The following TPST2 variants were observed in gnomAD, a reference collection of about 807,000 sequenced individuals.
TPST2 encodes tyrosylprotein sulfotransferase 2, also known as protein-tyrosine sulfotransferase 2.
Under a neutral mutation model 27.8 loss-of-function variants are expected in TPST2, and 16 were observed. That is an observed-to-expected ratio of 0.58 (90% CI 0.39 to 0.88). The LOEUF (loss-of-function observed/expected upper bound fraction) is 0.88, where lower values mean the gene tolerates loss of function less well. Among genes scored for constraint, TPST2 ranks in the 40% least tolerant of loss-of-function variants. The pLI is 0.00. For synonymous variants in TPST2, 229 were observed against 231.7 expected (o/e 0.99, Z 0.10); for missense variants, 464 against 543.1 (o/e 0.85, Z 1.45).
rs546925830 is a variant in TPST2, at chr22:26,574,691, C to T, written c.-161+15362G>A. Among the ~76,000 whole-genome samples the T allele has an allele frequency of 4.6e-5, 7 of 152,206 alleles. 1 individual carries two copies. The highest frequency in any genetic ancestry group is 2.6e-4 in the Admixed American group (4 of 15,276). On this transcript the variant is annotated intron_variant, in intron 1 of 6. Transcript: ENST00000338754. Reference sequence around the variant, plus strand: ...TAGAGAGGGTCTCAGAGAGCAGAAACGAGGAAAAGGCGACAGTGAGCAACT... The same window carrying T: ...TAGAGAGGGTCTCAGAGAGCAGAAATGAGGAAAAGGCGACAGTGAGCAACT...
chr22:26,582,734 G>C (rs928392496), intron 1 of TPST2, among the ~76,000 whole-genome samples: 3 of 152,176 alleles, frequency 2.0e-5, no homozygotes, highest in Non-Finnish European at 2.9e-5. Flanking sequence ...TGGGATCAAG[G>C]CATGACTTCC....
Position 26,530,686 on chromosome 22 carries a change from C to G in TPST2, c.1092+2009G>C, listed in dbSNP as rs543148676. Among the ~76,000 whole-genome samples the G allele has an allele frequency of 4.1e-5, 6 of 147,470 alleles. No individual in the cohort carries two copies. The East Asian group carries it at 1.3e-3, about 31-fold the overall frequency. On this transcript the variant is annotated intron_variant, in intron 5 of 6. Coordinates refer to ENST00000338754, the MANE Select transcript of TPST2 (RefSeq NM_003595.5). ...TGGAAGGGTTCAGATCTTTTGAAGA[C>G]TCTTGAACAACAAGGCTAAAAGTGT... is the stretch of plus-strand genomic sequence containing the variant.
chr22:26,563,156 A>G (rs1365183301), intron 1 of TPST2, among the ~76,000 whole-genome samples: 1 of 152,096 alleles, frequency 6.6e-6, no homozygotes, highest in African/African-American at 2.4e-5. Flanking sequence ...TGTTTGTTCT[A>G]TCATCCAGTA....
intron 4 of TPST2, chr22:26,536,049 C>T: frequency 1.5e-6 from 1 of 680,014 alleles, no homozygotes; most frequent in East Asian, 2.9e-5. Flanking sequence ...TACAAGCTGG[C>T]CTGCTGTTAG....
intron 1 of TPST2, among the ~76,000 whole-genome samples, chr22:26,576,635 G>A (rs1276651442): frequency 6.6e-6 from 1 of 152,032 alleles, no homozygotes. Context: ...TTGTGGAGGA[G>A]GGGAAGGTAA....
chr22:26,571,106 G>T (rs1228396261), intron 1 of TPST2, among the ~76,000 whole-genome samples: 3 of 152,088 alleles, frequency 2.0e-5, no homozygotes, highest in Non-Finnish European at 4.4e-5. Context: ...ACTTTACTCA[G>T]GAAAAACCAG....
intron 3 of TPST2, among the ~76,000 whole-genome samples, chr22:26,538,667 T>G (rs145021102): frequency 0.013 from 1,995 of 151,984 alleles, 44 homozygotes; most frequent in African/African-American, 0.046. Context: ...ACTAAAAATA[T>G]AAAAATTAGC....
chr22:26,586,473 C>T (rs1928353141), intron 1 of TPST2, among the ~76,000 whole-genome samples: 1 of 152,112 alleles, frequency 6.6e-6, no homozygotes, highest in East Asian at 1.9e-4. Flanking sequence ...TGGTCTCAAA[C>T]TCCTAGGTTC....
intron 1 of TPST2, chr22:26,547,740 A>G (rs1426405712): frequency 6.6e-6 from 1 of 152,230 alleles, no homozygotes; most frequent in Non-Finnish European, 1.5e-5. Context: ...GCTTGAGCCC[A>G]GGAGATCAAG....
rs531917631 is a variant in TPST2 at position 26,541,302 on chromosome 22, C to A, written c.329G>T (p.Arg110Leu). The A allele has an allele frequency of 6.5e-7, 1 of 1,542,728 alleles. No homozygotes were observed. The highest frequency in any genetic ancestry group is 1.4e-5 in the African/African-American group (1 of 73,276). The change falls in exon 3 of 7, where the codon CGC becomes CTC. Residue 110 changes from arginine (R) to leucine (L), a missense_variant. Physicochemically the swap from Arg to Leu is moderately radical, Grantham distance 102 (BLOSUM62 -2). Coordinates refer to ENST00000338754, the MANE Select transcript of TPST2 (RefSeq NM_003595.5). This position sits in a 1 kb window ranked among gnomAD's most constrained non-coding sequence, Gnocchi z 5.9. Reference sequence around the variant, plus strand: ...ACGGCCAGACTTGGACCAGGCCTGGCGCATGGCCAGCACGCGCGGGATGAT... The same window carrying A: ...ACGGCCAGACTTGGACCAGGCCTGGAGCATGGCCAGCACGCGCGGGATGAT... Reference protein sequence around the residue: ...TRIIPRVLAMRQAWSKSGREK... With the variant: ...TRIIPRVLAMLQAWSKSGREK...
chr22:26,545,812 G>T (rs1926085729), intron 1 of TPST2, among the ~76,000 whole-genome samples: 1 of 152,180 alleles, frequency 6.6e-6, no homozygotes, highest in Admixed American at 6.5e-5. Flanking sequence ...TGGGGTGGTG[G>T]CTCACGCCTG....
chr22:26,569,949 CAAA>C (rs71192942), intron 1 of TPST2, among the ~76,000 whole-genome samples: 3 of 41,258 alleles, frequency 7.3e-5, no homozygotes, highest in Non-Finnish European at 9.2e-5. Context: ...AAGACTCTGT[CAAA>C]AAAAAAAAAA....
intron 1 of TPST2, among the ~76,000 whole-genome samples, chr22:26,580,773 C>G (rs1928070554): frequency 6.6e-6 from 1 of 152,100 alleles, no homozygotes; most frequent in South Asian, 2.1e-4. Context: ...CTTTGTTAAA[C>G]AAGAGGAGTC....
chr22:26,566,218 A>G (rs1236052142), intron 1 of TPST2, among the ~76,000 whole-genome samples: 1 of 151,670 alleles, frequency 6.6e-6, no homozygotes. Context: ...GGAGTTAGAG[A>G]CCAGCCTGGA....
At chr22:26,580,290 T>TG (rs1928048426) in intron 1 of TPST2, among the ~76,000 whole-genome samples, 1 of 151,950 alleles carries the variant, frequency 6.6e-6, no homozygotes, top group African/African-American at 2.4e-5. Context: ...AGGAGAGAGA[T>TG]GAGCACTAGC....
chr22:26,536,440 C>G lies in TPST2; in HGVS notation c.889G>C (p.Ala297Pro). The G allele has an allele frequency of 1.3e-6, 2 of 1,559,390 alleles. No individual in the cohort carries two copies. The highest frequency in any genetic ancestry group is 2.4e-5 in the South Asian group (2 of 82,432). ...DQVIKPVNLE[A>P]LSKWTGHIPG... is the part of the protein sequence containing the mutation. ...ATGTGGCCAGTCCACTTGGAGAGCGCTTCCAGGTTAACAGGCTTGATGACC... is the reference window on the plus strand; with the variant it reads ...ATGTGGCCAGTCCACTTGGAGAGCGGTTCCAGGTTAACAGGCTTGATGACC... The change falls in exon 4 of 7, where the codon GCG becomes CCG. Residue 297 changes from alanine (A) to proline (P), a missense_variant. By Grantham distance (27) the Ala-to-Pro change is conservative. Coordinates refer to ENST00000338754, the MANE Select transcript of TPST2 (RefSeq NM_003595.5).
rs2147218442 is a variant in TPST2 at position 26,560,869 on chromosome 22, G to T, written c.-160-16194C>A. 1.9e-6 allele frequency: 3 copies of T among 1,594,610 alleles called. No individual in the cohort carries two copies. The East Asian group carries it at 6.7e-5, about 36-fold the overall frequency. ...TCTGCGTATCGCCCAAAAATCAAAGGAGAACATCCTGGCCTGTCCATTGGT... is the reference window on the plus strand; with the variant it reads ...TCTGCGTATCGCCCAAAAATCAAAGTAGAACATCCTGGCCTGTCCATTGGT... On this transcript the variant is annotated intron_variant, in intron 1 of 6. Transcript: ENST00000338754.
chr22:26,587,429 C>T (rs1353552395), intron 1 of TPST2, among the ~76,000 whole-genome samples: 1 of 152,152 alleles, frequency 6.6e-6, no homozygotes, highest in Non-Finnish European at 1.5e-5. Flanking sequence ...CAACCTCTGC[C>T]TCCTGGGTTC....
chr22:26,583,221 G>A (rs1397290695), intron 1 of TPST2, among the ~76,000 whole-genome samples: 1 of 151,410 alleles, frequency 6.6e-6, no homozygotes, highest in East Asian at 1.9e-4. Flanking sequence ...GATCACTTGA[G>A]GTGAGGAGTT....
Sources: allele counts gnomAD v4.1 joint callset (sites outside exome capture counted in the v4.1 genomes callset), GRCh38; gene constraint gnomAD v4.1.1; non-coding constraint Gnocchi (gnomAD v3.1); transcripts MANE v1.5; gene names NCBI Gene and HGNC (gene_info 2026-07-23, HGNC 2026-07-21).